Variants in PDGFD observed in about 807,000 individuals in gnomAD.
PDGFD encodes platelet-derived growth factor D.
PDGFD carries 30 observed loss-of-function variants against 44.7 expected under a neutral mutation model. The ratio of observed to expected loss-of-function variants is 0.67; its 90% CI spans 0.50 to 0.91. The LOEUF (loss-of-function observed/expected upper bound fraction) is 0.91. Among genes scored for constraint, PDGFD ranks in the 40% least tolerant of loss-of-function variants. The pLI, the probability that PDGFD is intolerant of heterozygous loss-of-function variation, is 0.00. For missense variants in PDGFD, 445 were observed against 457.8 expected, an observed-to-expected ratio of 0.97 and a Z score of 0.25; for synonymous variants, 173 against 168.4, an observed-to-expected ratio of 1.03 and a Z score of -0.21.
intron 3 of PDGFD, among the ~76,000 whole-genome samples, chr11:103,950,794 G>A (rs1368525306): frequency 6.6e-6 from 1 of 152,106 alleles, no homozygotes; most frequent in South Asian, 2.1e-4. Context: ...AATCAACAGA[G>A]CAGGAAACGC....
At chr11:104,103,462 G>GTGTGTGTATATATA (rs1041388346) in intron 1 of PDGFD, among the ~76,000 whole-genome samples, 12 of 133,264 alleles carry the variant, frequency 9.0e-5, no homozygotes, top group African/African-American at 3.0e-4. Flanking sequence ...GTGTGTGTGT[G>GTGTGTGTATATATA]TATATATATA....
intron 1 of PDGFD, among the ~76,000 whole-genome samples, chr11:104,078,541 T>C (rs1009983332): frequency 1.1e-4 from 6 of 54,132 alleles, no homozygotes; most frequent in African/African-American, 3.6e-4. Context: ...TTATATCTCA[T>C]AGGGGCTCAC....
chr11:104,145,759 A>G (rs925123659), intron 1 of PDGFD, among the ~76,000 whole-genome samples: 1 of 152,186 alleles, frequency 6.6e-6, no homozygotes, highest in African/African-American at 2.4e-5. Context: ...CTGACCCCCG[A>G]GTGTGCTTGT....
At chr11:104,137,369 G>GA (rs374185949) in intron 1 of PDGFD, among the ~76,000 whole-genome samples, 208 of 136,536 alleles carry the variant, frequency 1.5e-3, no homozygotes, top group African/African-American at 2.2e-3. Context: ...GACTTAAACA[G>GA]AAAAAAAAAA....
At chr11:104,056,727 T>C (rs1860622195) in intron 1 of PDGFD, among the ~76,000 whole-genome samples, 1 of 152,328 alleles carries the variant, frequency 6.6e-6, no homozygotes, top group South Asian at 2.1e-4. Flanking sequence ...ATTTTCATAT[T>C]TATATTTTAA....
intron 3 of PDGFD, among the ~76,000 whole-genome samples, chr11:103,955,260 G>A (rs1858825418): frequency 7.0e-6 from 1 of 142,886 alleles, no homozygotes; most frequent in African/African-American, 2.6e-5. Flanking sequence ...CAAATTCTAA[G>A]TTTGTTCATG....
intron 6 of PDGFD, among the ~76,000 whole-genome samples, chr11:103,919,723 G>T (rs1047746768): frequency 6.6e-6 from 1 of 151,824 alleles, no homozygotes; most frequent in Non-Finnish European, 1.5e-5. Flanking sequence ...TGGCCAGGCT[G>T]GTCTTGAACT....
At chr11:104,147,385 C>T (rs913521995) in intron 1 of PDGFD, among the ~76,000 whole-genome samples, 1 of 152,096 alleles carries the variant, frequency 6.6e-6, no homozygotes, top group Non-Finnish European at 1.5e-5. Flanking sequence ...GGTAAGGAAA[C>T]ATAGGATACC....
chr11:104,102,678 C>A (rs1861406656), intron 1 of PDGFD, among the ~76,000 whole-genome samples: 1 of 152,166 alleles, frequency 6.6e-6, no homozygotes, highest in South Asian at 2.1e-4. Context: ...GGAACCAACC[C>A]AAATGTCCAT....
intron 1 of PDGFD, among the ~76,000 whole-genome samples, chr11:104,022,467 C>T (rs892897676): frequency 2.0e-5 from 3 of 152,036 alleles, no homozygotes; most frequent in Admixed American, 6.6e-5. Context: ...TATGACATTA[C>T]AGTAACATAT....
At chr11:104,134,808 C>T (rs142417687) in intron 1 of PDGFD, among the ~76,000 whole-genome samples, 6 of 152,312 alleles carry the variant, frequency 3.9e-5, no homozygotes, top group African/African-American at 1.4e-4. Flanking sequence ...AAACCCTGGG[C>T]TGCACATCTG....
Position 103,971,707 on chromosome 11 carries a change from T to G in PDGFD, c.511-23983A>C, listed in dbSNP as rs565017225. ...CAAGAACCTAGGACATTATGTTGTT[T>G]ATTCCATCTCACGTATAAGATCCAT... is the stretch of plus-strand genomic sequence containing the variant. On this transcript the variant is annotated intron_variant, in intron 3 of 6. Coordinates refer to ENST00000393158, the MANE Select transcript of PDGFD (RefSeq NM_025208.5). 1.2e-4 allele frequency among the ~76,000 whole-genome samples: 18 copies of G among 152,366 alleles called. No individual in the cohort carries two copies. In the East Asian group the frequency reaches 3.3e-3, roughly 28 times the overall value.
chr11:103,987,099 A>T (rs1418785438), intron 3 of PDGFD, among the ~76,000 whole-genome samples: 4 of 139,756 alleles, frequency 2.9e-5, no homozygotes, highest in Non-Finnish European at 6.0e-5. Flanking sequence ...ATCCTTAAAA[A>T]CTCCAATCCT....
intron 1 of PDGFD, chr11:104,038,373 C>T (rs1591134084): frequency 4.6e-6 from 1 of 218,008 alleles, no homozygotes; most frequent in East Asian, 1.1e-4. Context: ...TGGAAAAATG[C>T]TATGGCTGCA....
intron 1 of PDGFD, among the ~76,000 whole-genome samples, chr11:104,144,095 A>G (rs1862125384): frequency 6.6e-6 from 1 of 152,284 alleles, no homozygotes; most frequent in African/African-American, 2.4e-5. Flanking sequence ...TTGATCTACA[A>G]CTGTGACTTG....
At chr11:104,063,734 C>T (rs1860747543) in intron 1 of PDGFD, among the ~76,000 whole-genome samples, 1 of 152,126 alleles carries the variant, frequency 6.6e-6, no homozygotes, top group Admixed American at 6.5e-5. Context: ...GGAGGTGCCA[C>T]ACTTTTAAAC....
chr11:104,067,961 A>G (rs138240750), intron 1 of PDGFD, among the ~76,000 whole-genome samples: 1 of 152,320 alleles, frequency 6.6e-6, no homozygotes, highest in East Asian at 1.9e-4. Context: ...AGAAAGAATT[A>G]TATATGTGAA....
At chr11:104,118,604 C>A (rs1320105443) in intron 1 of PDGFD, among the ~76,000 whole-genome samples, 1 of 149,896 alleles carries the variant, frequency 6.7e-6, no homozygotes, top group Non-Finnish European at 1.5e-5. Context: ...CCTTGCCTTG[C>A]TCTTCATTTT....
intron 1 of PDGFD, among the ~76,000 whole-genome samples, chr11:104,004,870 AC>A (rs1859675929): frequency 1.0e-5 from 1 of 95,250 alleles, no homozygotes. Context: ...TATTATTACC[AC>A]CTTTTTTTTT....
Sources: gnomAD v4.1 joint callset for allele counts (sites outside exome capture counted in the v4.1 genomes callset) on GRCh38, gnomAD v4.1.1 for gene constraint, MANE v1.5 for transcripts, NCBI Gene and HGNC (gene_info 2026-07-23, HGNC 2026-07-21) for gene names.